The following KCNMA1 variants were observed in gnomAD, a reference collection of about 807,000 sequenced individuals.
KCNMA1 encodes Calcium-activated potassium channel subunit alpha-1.
A neutral mutation model predicts 140.0 loss-of-function variants in KCNMA1; 29 were observed. The observed-to-expected ratio is 0.21, with a 90% CI of 0.15 to 0.28. The LOEUF (loss-of-function observed/expected upper bound fraction) is 0.28. Among genes scored for constraint, KCNMA1 ranks in the 10% least tolerant of loss-of-function variants. The pLI is 1.00. For synonymous variants in KCNMA1, 612 were observed against 611.9 expected, an observed-to-expected ratio of 1.00 and a Z score of 0.00; for missense variants, 880 against 1,602.2, an observed-to-expected ratio of 0.55 and a Z score of 7.70.
intron 25 of KCNMA1, chr10:76,903,935 A>G (rs2046679591): frequency 6.6e-6 from 1 of 152,184 alleles, no homozygotes; most frequent in Admixed American, 6.5e-5. Context: ...TCATCTACCC[A>G]CTAAGCTCCC....
At chr10:77,602,917 A>T (rs1197389461) in intron 1 of KCNMA1, among the ~76,000 whole-genome samples, 1 of 152,190 alleles carries the variant, frequency 6.6e-6, no homozygotes, top group Non-Finnish European at 1.5e-5. Context: ...GACAAGCACA[A>T]TGTAACCAAG....
chr10:77,598,304 G>A (rs2081528187), intron 1 of KCNMA1, among the ~76,000 whole-genome samples: 1 of 152,208 alleles, frequency 6.6e-6, no homozygotes, highest in Admixed American at 6.5e-5. Context: ...TGGACTGTCA[G>A]CTCCAAGAGG....
In KCNMA1 at chr10:77,001,466, T is replaced by C. The variant is rs1239743343; in HGVS notation, c.2207A>G (p.Glu736Gly). ...GACAGAAGAAAGTGGGAAGGCTCTC[T>C]CAAGGGTGTCCACGTTACCACGCAC... ...GRVRGNVDTLERAFPLSSVSV... is the reference protein window; with the variant it reads ...GRVRGNVDTLGRAFPLSSVSV... Residue 736 changes from glutamate to glycine, a missense_variant, in exon 19 of 28, where the codon GAG becomes GGG. Coordinates refer to ENST00000286628, the MANE Select transcript of KCNMA1 (RefSeq NM_001161352.2). 1 of 1,551,850 alleles carries C rather than the reference T, an allele frequency of 6.4e-7. No individual in the cohort carries two copies. The highest frequency in any genetic ancestry group is 2.4e-5 in the East Asian group (1 of 40,918).
At chr10:77,532,297 C>G (rs553912728) in intron 1 of KCNMA1, among the ~76,000 whole-genome samples, 1 of 152,278 alleles carries the variant, frequency 6.6e-6, no homozygotes, top group South Asian at 2.1e-4. Flanking sequence ...GACTCCAACA[C>G]GAGATGACTT....
At chr10:77,054,041 G>A (rs2095464099) in intron 14 of KCNMA1, among the ~76,000 whole-genome samples, 2 of 152,128 alleles carry the variant, frequency 1.3e-5, no homozygotes, top group South Asian at 4.2e-4. Flanking sequence ...GGGATAACAG[G>A]AAGGGTGAGG....
At chr10:77,401,842 C>T (rs115780734) in intron 2 of KCNMA1, among the ~76,000 whole-genome samples, 3 of 152,188 alleles carry the variant, frequency 2.0e-5, no homozygotes, top group Admixed American at 6.5e-5. Flanking sequence ...CCCCTACAGC[C>T]CCTCCCCACA....
intron 20 of KCNMA1, among the ~76,000 whole-genome samples, chr10:76,962,135 GA>G (rs1329909208): frequency 1.3e-5 from 2 of 152,192 alleles, no homozygotes; most frequent in African/African-American, 4.8e-5. Flanking sequence ...CTGCTGTGAG[GA>G]AGCTGATATC....
At chr10:77,298,607 G>A (rs1487707474) in intron 2 of KCNMA1, among the ~76,000 whole-genome samples, 3 of 68,614 alleles carry the variant, frequency 4.4e-5, no homozygotes, top group African/African-American at 2.1e-4. Context: ...GCAGGAGGGG[G>A]CACCCTAACT....
chr10:77,419,526 C>T (rs1032527962), intron 1 of KCNMA1, among the ~76,000 whole-genome samples: 4 of 152,062 alleles, frequency 2.6e-5, no homozygotes, highest in Admixed American at 6.5e-5. Context: ...GAACTTGAGA[C>T]GTCAAAGGTG....
chr10:77,529,787 C>G (rs948973196), intron 1 of KCNMA1, among the ~76,000 whole-genome samples: 11 of 152,182 alleles, frequency 7.2e-5, no homozygotes, highest in African/African-American at 2.6e-4. Context: ...AGAGCCCCCA[C>G]GTGGGCCTTT....
At chr10:77,587,672 G>A (rs2077648763) in intron 1 of KCNMA1, 2 of 983,250 alleles carry the variant, frequency 2.0e-6, no homozygotes, top group Non-Finnish European at 2.4e-6. Flanking sequence ...AGTGGAATCT[G>A]TGGAAGGTAC....
intron 20 of KCNMA1, among the ~76,000 whole-genome samples, chr10:76,964,133 C>T (rs34129858): frequency 0.21 from 32,408 of 151,502 alleles, 4,050 homozygotes; most frequent in East Asian, 0.47. Context: ...ACCCCCGAGA[C>T]ACCACTGCCC....
At chr10:77,612,925 C>G (rs567860308) in intron 1 of KCNMA1, among the ~76,000 whole-genome samples, 17 of 152,146 alleles carry the variant, frequency 1.1e-4, no homozygotes, top group Admixed American at 2.0e-4. Context: ...CTACTCCCCC[C>G]ACCCCCACTG....
chr10:77,619,314 GTCTCTCTCTCTC>G (rs61564819), intron 1 of KCNMA1, among the ~76,000 whole-genome samples: 12 of 91,532 alleles, frequency 1.3e-4, no homozygotes, highest in Admixed American at 6.9e-4. Flanking sequence ...CTGTCTGTCT[GTCTCTCTCTCTC>G]TCTCTCTCTC....
intron 18 of KCNMA1, among the ~76,000 whole-genome samples, chr10:77,008,572 A>G (rs916095694): frequency 6.6e-6 from 1 of 152,222 alleles, no homozygotes; most frequent in Non-Finnish European, 1.5e-5. Context: ...CGCACCTGAT[A>G]TTTCTCCGGA....
At chr10:77,139,068 AC>A (rs2098114252) in intron 5 of KCNMA1, among the ~76,000 whole-genome samples, 1 of 152,150 alleles carries the variant, frequency 6.6e-6, no homozygotes, top group Admixed American at 6.6e-5. Context: ...TACCAAGTGC[AC>A]CCTCTTCTAG....
At chr10:77,499,422 T>TATATATATATATACAC (rs1390141467) in intron 1 of KCNMA1, among the ~76,000 whole-genome samples, 1 of 105,582 alleles carries the variant, frequency 9.5e-6, no homozygotes, top group South Asian at 3.1e-4. Flanking sequence ...TATATATATA[T>TATATATATATATACAC]ACACACACAC....
At chr10:77,633,524 C>T (rs1211207766) in intron 1 of KCNMA1, among the ~76,000 whole-genome samples, 1 of 152,138 alleles carries the variant, frequency 6.6e-6, no homozygotes, top group Non-Finnish European at 1.5e-5. Context: ...GGCACAAGGG[C>T]CAATCTGGAA....
At chr10:76,917,572 G>A (rs188104843) in intron 23 of KCNMA1, among the ~76,000 whole-genome samples, 236 of 152,160 alleles carry the variant, frequency 1.6e-3, no homozygotes, top group African/African-American at 5.0e-3. Context: ...TCAGTCACCA[G>A]GCCTGGTTCC....
Sources: gnomAD v4.1 joint callset for allele counts (sites outside exome capture counted in the v4.1 genomes callset) on GRCh38, gnomAD v4.1.1 for gene constraint, MANE v1.5 for transcripts, NCBI Gene and HGNC (gene_info 2026-07-23, HGNC 2026-07-21) for gene names.